The following CAMLG variants were observed in gnomAD, a reference collection of about 807,000 sequenced individuals.
CAMLG encodes guided entry of tail-anchored proteins factor CAMLG.
Under a neutral mutation model 28.9 loss-of-function variants are expected in CAMLG, and 23 were observed. That is an observed-to-expected ratio of 0.80 (90% confidence interval 0.57 to 1.13). The LOEUF (loss-of-function observed/expected upper bound fraction) is 1.13, where lower values mean the gene tolerates loss of function less well. CAMLG is among the 50% of genes most tolerant of loss of function. The pLI is 0.00. For synonymous variants in CAMLG, 141 were observed against 146.5 expected (o/e 0.96, Z 0.27); for missense variants, 367 against 371.9 (o/e 0.99, Z 0.11).
In CAMLG at chr5:134,738,577, A is replaced by G. The variant is rs759488048; in HGVS notation, c.-44A>G. On this transcript the variant is annotated 5_prime_UTR_variant, in exon 1 of 4. Coordinates refer to ENST00000297156, the MANE Select transcript of CAMLG (RefSeq NM_001745.4). ...AGTCATCGCCCTCGCAGCGGCGGCC[A>G]ACATCACCGCCACTGCCACCCCTCC... 5.3e-6 allele frequency: 8 copies of G among 1,516,940 alleles called. No individual in the cohort carries two copies. The highest frequency in any genetic ancestry group is 6.2e-6 in the Non-Finnish European group (7 of 1,127,448). 94.0% of individuals were successfully genotyped at this position (1,516,940 alleles called of 1,614,324 possible). A position where few individuals can be genotyped will look rare whatever the true frequency, so the allele number is the denominator to read the frequency against.
At chr5:134,746,137 CAAAAAA>C (rs1156938843) in intron 3 of CAMLG, among the ~76,000 whole-genome samples, 2 of 77,136 alleles carry the variant, frequency 2.6e-5, no homozygotes, top group Non-Finnish European at 2.4e-5. Flanking sequence ...AACTCCATCT[CAAAAAA>C]AAAAAAAAAA....
At chr5:134,743,323 C>T (rs976333584) in intron 2 of CAMLG, among the ~76,000 whole-genome samples, 38 of 152,202 alleles carry the variant, frequency 2.5e-4, no homozygotes, top group African/African-American at 8.7e-4. Context: ...TGAGAGAAGA[C>T]AGTTTTGGGG....
At position 134,743,970 on chromosome 5, in the gene CAMLG, A is replaced by G. The variant is rs1753015077; in HGVS notation, c.634-17A>G. ...GATTATGTTGGAAATATTTAATTTT[A>G]TCTTCTATCTTCACAGTCCATATTT... On this transcript the variant is annotated splice_polypyrimidine_tract_variant and intron_variant, in intron 2 of 3. Transcript: ENST00000297156. The G allele has an allele frequency of 8.6e-7, 1 of 1,162,048 alleles. No individual in the cohort carries two copies. The highest frequency in any genetic ancestry group is 1.3e-6 in the Non-Finnish European group (1 of 783,318). 72.0% of individuals were successfully genotyped at this position (1,162,048 alleles called of 1,614,324 possible). A position where few individuals can be genotyped will look rare whatever the true frequency, so the allele number is the denominator to read the frequency against.
intron 3 of CAMLG, among the ~76,000 whole-genome samples, chr5:134,744,944 A>T (rs193041094): frequency 2.4e-4 from 37 of 152,298 alleles, no homozygotes; most frequent in Non-Finnish European, 4.9e-4. Context: ...TAGCCTAACT[A>T]GTGTGATCGA....
intron 3 of CAMLG, among the ~76,000 whole-genome samples, chr5:134,746,740 G>C (rs1327778153): frequency 6.6e-6 from 1 of 151,692 alleles, no homozygotes; most frequent in Non-Finnish European, 1.5e-5. Flanking sequence ...GCCTTCCAAA[G>C]TGCTGGGATT....
intron 2 of CAMLG, among the ~76,000 whole-genome samples, chr5:134,743,411 C>T (rs1419473176): frequency 6.6e-6 from 1 of 152,068 alleles, no homozygotes; most frequent in Non-Finnish European, 1.5e-5. Context: ...TTATTTTCTT[C>T]ACCCTTCTGC....
In CAMLG at chr5:134,741,335, C is replaced by T. The variant is rs138877680; in HGVS notation, c.445C>T (p.Arg149Cys). ...LTADSVQRGS[R>C]HGLEQYLSRF... ...AGCGGACTCGGTCCAGAGGGGTTCC[C>T]GCCATGGCCTAGAGCAGTACCTTTC... The change falls in exon 2 of 4, where the codon CGC becomes TGC. Residue 149 changes from arginine (R) to cysteine (C), a missense_variant. Arg to Cys is a radical substitution (Grantham distance 180). Coordinates refer to ENST00000297156, the MANE Select transcript of CAMLG (RefSeq NM_001745.4). The T allele has an allele frequency of 2.5e-5, 40 of 1,614,132 alleles. No individual in the cohort carries two copies. Among genetic ancestry groups the T allele is most frequent in the African/African-American group, 9.3e-5 (7 of 75,016 alleles).
intron 1 of CAMLG, among the ~76,000 whole-genome samples, chr5:134,739,052 C>T (rs1228254727): frequency 6.6e-6 from 1 of 152,122 alleles, no homozygotes; most frequent in Non-Finnish European, 1.5e-5. Context: ...TCCCTCTTCC[C>T]AGTTACGTTG....
intron 1 of CAMLG, among the ~76,000 whole-genome samples, chr5:134,740,192 CT>C (rs1004434714): frequency 2.0e-5 from 3 of 151,792 alleles, no homozygotes; most frequent in African/African-American, 4.8e-5. Flanking sequence ...TGTGCCTGGC[CT>C]TTTTTTTAAA....
chr5:134,744,726 TA>T lies in CAMLG; in HGVS notation c.699+680del, dbSNP rs1319255732. 3.3e-5 allele frequency among the ~76,000 whole-genome samples: 5 copies of T among 152,294 alleles called. No individual in the cohort carries two copies. In the East Asian group the frequency reaches 7.7e-4, roughly 23 times the overall value. On this transcript the variant is annotated intron_variant, in intron 3 of 3. Coordinates refer to ENST00000297156, the MANE Select transcript of CAMLG (RefSeq NM_001745.4). ...TTTGTCTATAATAAAGGAAATTAAT[TA>T]AAAAATGGATTTGATTATCTCATTG... is the stretch of plus-strand genomic sequence containing the variant.
chr5:134,744,240 T>C (rs1414730532), intron 3 of CAMLG, among the ~76,000 whole-genome samples, 188 bp downstream of exon 3: 1 of 152,112 alleles, frequency 6.6e-6, no homozygotes, highest in Non-Finnish European at 1.5e-5. Context: ...AAATGAGTAA[T>C]TGGCCGGGCG....
rs1191070546 is a variant in CAMLG, at chr5:134,741,166, T to C, written c.276T>C (p.Ser92=). The change falls in exon 2 of 4, where the codon AGT becomes AGC. Residue 92 remains serine (S), a synonymous_variant. Transcript: ENST00000297156. The part of the protein sequence containing the change: ...SKRVVLGDSV[S]TGTTDQQGGV... ...GAGTAGTGCTGGGTGATTCAGTCAGTACAGGAACAACTGACCAGCAGGGTG... is the reference window on the plus strand; with the variant it reads ...GAGTAGTGCTGGGTGATTCAGTCAGCACAGGAACAACTGACCAGCAGGGTG... 1.9e-6 allele frequency: 3 copies of C among 1,614,016 alleles called. No homozygotes were observed. Among genetic ancestry groups the C allele is most frequent in the Admixed American group, 1.7e-5 (1 of 59,990 alleles).
intron 2 of CAMLG, among the ~76,000 whole-genome samples, chr5:134,743,473 G>A (rs1480836607): frequency 1.3e-5 from 2 of 152,062 alleles, no homozygotes; most frequent in Non-Finnish European, 2.9e-5. Flanking sequence ...GGGAGGCTGA[G>A]GCAGGAGAAT....
In CAMLG at chr5:134,750,771, A is replaced by G; in HGVS notation, c.712A>G (p.Ile238Val). The change falls in exon 4 of 4, where the codon ATA becomes GTA. Residue 238 changes from isoleucine (I) to valine (V), a missense_variant. Coordinates refer to ENST00000297156, the MANE Select transcript of CAMLG (RefSeq NM_001745.4). ...TTTCTCTACACAGAGTGAAAAGAAG[A>G]TAAAGACAACAGTACTAACAGCTGC... ...YKYFPKSEKK[I>V]KTTVLTAALL... 1.2e-6 allele frequency: 2 copies of G among 1,612,378 alleles called. No homozygotes were observed. The highest frequency in any genetic ancestry group is 8.5e-7 in the Non-Finnish European group (1 of 1,178,822).
intron 1 of CAMLG, among the ~76,000 whole-genome samples, chr5:134,740,449 G>C (rs1201956925): frequency 6.6e-6 from 1 of 152,080 alleles, no homozygotes; most frequent in Non-Finnish European, 1.5e-5. Flanking sequence ...ATAAAAAGTT[G>C]GTCTTTTCAG....
In CAMLG at chr5:134,738,677, C is replaced by T. The variant is rs749975874; in HGVS notation, c.57C>T (p.Gly19=). 15 of 1,613,814 alleles carry T rather than the reference C, an allele frequency of 9.3e-6. No individual in the cohort carries two copies. The South Asian group carries it at 1.5e-4, about 17-fold the overall frequency. Residue 19 remains glycine (G), a synonymous_variant, in exon 1 of 4, where the codon GGC becomes GGT. Transcript: ENST00000297156. Reference sequence around the variant, plus strand: ...GGGAGAGGCCGGGGGTCCCAGCGGGCTCAGGTCTGTCGGCTTCCCAGCGTC... The same window carrying T: ...GGGAGAGGCCGGGGGTCCCAGCGGGTTCAGGTCTGTCGGCTTCCCAGCGTC... ...DGGERPGVPA[G]SGLSASQRRA...
chr5:134,747,980 G>T (rs570864358), intron 3 of CAMLG, among the ~76,000 whole-genome samples: 4 of 151,288 alleles, frequency 2.6e-5, no homozygotes, highest in African/African-American at 9.7e-5. Context: ...CCCTGCCTCA[G>T]CCTCCCAAGT....
At chr5:134,745,293 G>A (rs1043954959) in intron 3 of CAMLG, among the ~76,000 whole-genome samples, 4 of 151,910 alleles carry the variant, frequency 2.6e-5, no homozygotes, top group South Asian at 2.1e-4. Context: ...AAAGTTAGCC[G>A]GGCGTGGTGG....
chr5:134,741,692 T>C (rs574874266), intron 2 of CAMLG, among the ~76,000 whole-genome samples, 169 bp downstream of exon 2: 1 of 152,372 alleles, frequency 6.6e-6, no homozygotes, highest in African/African-American at 2.4e-5. Context: ...TAGAATGAAG[T>C]GTTCTGGTTA....
Sources: gnomAD v4.1 joint callset for allele counts (sites outside exome capture counted in the v4.1 genomes callset) on GRCh38, gnomAD v4.1.1 for gene constraint, MANE v1.5 for transcripts, NCBI Gene and HGNC (gene_info 2026-07-23, HGNC 2026-07-21) for gene names.